The following NXPH1 variants were observed in gnomAD, a reference collection of about 807,000 sequenced individuals.
NXPH1 encodes neurexophilin-1.
In NXPH1, 5 loss-of-function variants were observed where a neutral mutation model predicts 23.7. The ratio of observed to expected loss-of-function variants is 0.21; its 90% CI spans 0.11 to 0.44. NXPH1 has a LOEUF of 0.44. Among genes scored for constraint, NXPH1 ranks in the 20% least tolerant of loss-of-function variants. The pLI is 0.99. For missense variants in NXPH1, 324 were observed against 321.6 expected (o/e 1.01, Z -0.06); for synonymous variants, 144 against 122.2 (o/e 1.18, Z -1.18).
intron 2 of NXPH1, among the ~76,000 whole-genome samples, chr7:8,500,123 A>G (rs1041765607): frequency 1.7e-4 from 26 of 152,116 alleles, no homozygotes; most frequent in Admixed American, 1.3e-4. Context: ...CACAGGCAGA[A>G]GTTTCCTCGC....
intron 2 of NXPH1, among the ~76,000 whole-genome samples, chr7:8,616,875 G>T (rs1289441623): frequency 6.6e-6 from 1 of 151,218 alleles, no homozygotes; most frequent in Non-Finnish European, 1.5e-5. Context: ...AAACCACTCT[G>T]GCTGAAGTAT....
At chr7:8,668,666 C>CAGGT (rs1187601502) in intron 2 of NXPH1, among the ~76,000 whole-genome samples, 1 of 151,962 alleles carries the variant, frequency 6.6e-6, no homozygotes, top group African/African-American at 2.4e-5. Flanking sequence ...AGGGGCTGAC[C>CAGGT]AGGTACTGGC....
At chr7:8,723,514 T>G (rs1369048752) in intron 2 of NXPH1, among the ~76,000 whole-genome samples, 3 of 152,210 alleles carry the variant, frequency 2.0e-5, no homozygotes, top group Non-Finnish European at 2.9e-5. Flanking sequence ...AAAAATACAT[T>G]TATTTGGGGA....
chr7:8,485,324 A>G lies in NXPH1; in HGVS notation c.54+49557A>G, dbSNP rs1295921685. ...CCCAGACATGTGGAACTGTGAGTCC[A>G]TTAAACCTTTTTCTTTTATAAATTA... On this transcript the variant is annotated intron_variant, in intron 2 of 2. Coordinates refer to ENST00000405863, the MANE Select transcript of NXPH1 (RefSeq NM_152745.3). Among the ~76,000 whole-genome samples, 7 of 152,164 alleles carry G rather than the reference A, an allele frequency of 4.6e-5. 1 individual carries two copies. The South Asian group carries it at 8.3e-4, about 18-fold the overall frequency.
At chr7:8,445,593 A>G (rs1313025763) in intron 2 of NXPH1, among the ~76,000 whole-genome samples, 1 of 152,222 alleles carries the variant, frequency 6.6e-6, no homozygotes, top group Non-Finnish European at 1.5e-5. Context: ...CTTCTCTAAG[A>G]GGTTATTGGC....
At position 8,652,976 on chromosome 7, in the gene NXPH1, T is replaced by C. The variant is rs1159791653; in HGVS notation, c.55-98032T>C. Among the ~76,000 whole-genome samples the C allele has an allele frequency of 5.3e-5, 8 of 152,314 alleles. No individual in the cohort carries two copies. The South Asian group carries it at 8.3e-4, about 16-fold the overall frequency. On this transcript the variant is annotated intron_variant, in intron 2 of 2. Coordinates refer to ENST00000405863, the MANE Select transcript of NXPH1 (RefSeq NM_152745.3). ...GTTAACACAGAAAAATATAGGGCCA[T>C]TGATCCTCCCACCTCCACCCTATTT...
chr7:8,483,718 C>A (rs1028303821), intron 2 of NXPH1, among the ~76,000 whole-genome samples: 4 of 152,184 alleles, frequency 2.6e-5, no homozygotes, highest in African/African-American at 7.2e-5. Flanking sequence ...TGTTTGACCT[C>A]TTCTGAAAGT....
chr7:8,520,179 T>A (rs1817747285), intron 2 of NXPH1, among the ~76,000 whole-genome samples: 1 of 152,206 alleles, frequency 6.6e-6, no homozygotes. Context: ...CATGCTGACC[T>A]GGATTAGGCA....
chr7:8,567,502 C>T (rs1473748651), intron 2 of NXPH1, among the ~76,000 whole-genome samples: 1 of 151,916 alleles, frequency 6.6e-6, no homozygotes, highest in African/African-American at 2.4e-5. Context: ...ATGAGTCAGA[C>T]ATACACCTTG....
intron 2 of NXPH1, among the ~76,000 whole-genome samples, chr7:8,502,167 G>A (rs907884327): frequency 5.3e-5 from 8 of 152,098 alleles, no homozygotes; most frequent in Non-Finnish European, 1.0e-4. Context: ...AGAAATTACA[G>A]TGATAATGTC....
At chr7:8,729,864 T>A (rs1294542937) in intron 2 of NXPH1, among the ~76,000 whole-genome samples, 3 of 150,382 alleles carry the variant, frequency 2.0e-5, no homozygotes, top group Non-Finnish European at 4.5e-5. Flanking sequence ...GTCCGCTTGG[T>A]GCAGAGCTGA....
chr7:8,464,343 G>C (rs747424396), intron 2 of NXPH1, among the ~76,000 whole-genome samples: 2 of 152,130 alleles, frequency 1.3e-5, no homozygotes, highest in Non-Finnish European at 2.9e-5. Flanking sequence ...TGAAAACAAA[G>C]ATGCTAGTAT....
At chr7:8,713,791 C>T (rs1779833803) in intron 2 of NXPH1, among the ~76,000 whole-genome samples, 1 of 152,208 alleles carries the variant, frequency 6.6e-6, no homozygotes, top group South Asian at 2.1e-4. Flanking sequence ...TTCGTGTTCT[C>T]TTCCCGTAAT....
chr7:8,656,512 T>TG (rs1051933957), intron 2 of NXPH1, among the ~76,000 whole-genome samples: 3 of 148,164 alleles, frequency 2.0e-5, no homozygotes, highest in Admixed American at 6.7e-5. Context: ...TTAATGTTTT[T>TG]TTTTTTTTTT....
chr7:8,515,329 A>T (rs1388448849), intron 2 of NXPH1, among the ~76,000 whole-genome samples: 2 of 152,076 alleles, frequency 1.3e-5, no homozygotes, highest in Non-Finnish European at 2.9e-5. Context: ...ATTAATATTT[A>T]TTGAGGGATA....
chr7:8,693,274 C>G (rs1454799809), intron 2 of NXPH1, among the ~76,000 whole-genome samples: 1 of 152,194 alleles, frequency 6.6e-6, no homozygotes, highest in African/African-American at 2.4e-5. Context: ...GTCAGGCAGG[C>G]CTGAGTTTGA....
intron 2 of NXPH1, among the ~76,000 whole-genome samples, chr7:8,542,884 A>T (rs990175022): frequency 1.3e-5 from 2 of 151,626 alleles, no homozygotes; most frequent in African/African-American, 4.8e-5. Context: ...ACAAATATAC[A>T]TGTACTTTGG....
chr7:8,745,746 T>A (rs796289527), intron 2 of NXPH1, among the ~76,000 whole-genome samples: 12 of 146,390 alleles, frequency 8.2e-5, no homozygotes, highest in African/African-American at 3.0e-4. Flanking sequence ...TTTTTTGTAT[T>A]TTTAGTAGAG....
At chr7:8,747,343 T>C (rs1453677861) in intron 2 of NXPH1, among the ~76,000 whole-genome samples, 1 of 152,242 alleles carries the variant, frequency 6.6e-6, no homozygotes, top group African/African-American at 2.4e-5. Flanking sequence ...AGAGGAGTCT[T>C]AGCAACTTTT....
Sources: allele counts gnomAD v4.1 joint callset (sites outside exome capture counted in the v4.1 genomes callset), GRCh38; gene constraint gnomAD v4.1.1; transcripts MANE v1.5; gene names NCBI Gene and HGNC (gene_info 2026-07-23, HGNC 2026-07-21).